CEACAM5: variants seen among roughly 807,000 people sequenced by gnomAD.
The protein encoded by CEACAM5 is cell adhesion molecule CEACAM5.
CEACAM5 carries 52 observed loss-of-function variants against 63.0 expected under a neutral mutation model. The observed-to-expected ratio is 0.83, with a 90% CI of 0.66 to 1.04. The LOEUF (loss-of-function observed/expected upper bound fraction) is 1.04. Ranked by LOEUF, CEACAM5 falls within the 50% of genes least tolerant of loss-of-function variation. CEACAM5 has a pLI of 0.00. For missense variants in CEACAM5, 790 were observed against 864.8 expected (o/e 0.91, Z 1.08); for synonymous variants, 357 against 351.3 (o/e 1.02, Z -0.18).
chr19:41,724,692 A>C (rs1385184521), intron 8 of CEACAM5, among the ~76,000 whole-genome samples: 2 of 152,272 alleles, frequency 1.3e-5, no homozygotes, highest in East Asian at 3.9e-4. Flanking sequence ...CTCCTTGGTT[A>C]AGCTTATTTC....
chr19:41,712,145 G>A (rs1047519611), intron 2 of CEACAM5, among the ~76,000 whole-genome samples: 9 of 152,300 alleles, frequency 5.9e-5, no homozygotes, highest in African/African-American at 7.2e-5. Context: ...CCCAAAGCCC[G>A]CATGCTTATT....
chr19:41,722,150 C>G (rs193071920), intron 8 of CEACAM5, among the ~76,000 whole-genome samples: 2 of 152,096 alleles, frequency 1.3e-5, no homozygotes, highest in East Asian at 3.9e-4. Flanking sequence ...GTAATCCCAG[C>G]ACTTTGGGAG....
At position 41,708,670 on chromosome 19, in the gene CEACAM5, C is replaced by A; in HGVS notation, c.-62C>A. 6.7e-7 allele frequency: 1 copy of A among 1,494,812 alleles called. No individual in the cohort carries two copies. Among genetic ancestry groups the A allele is most frequent in the Non-Finnish European group, 9.2e-7 (1 of 1,084,314 alleles). 92.6% of individuals were successfully genotyped at this position (1,494,812 alleles called of 1,614,324 possible). On this transcript the variant is annotated 5_prime_UTR_variant, in exon 1 of 10. Coordinates refer to ENST00000221992, the MANE Select transcript of CEACAM5 (RefSeq NM_004363.6). ...GACCAGACAGTCACAGCAGCCTTGACAAAACGTTCCTGGAACTCAAGCTCT... is the reference window on the plus strand; with the variant it reads ...GACCAGACAGTCACAGCAGCCTTGAAAAAACGTTCCTGGAACTCAAGCTCT...
rs1484911243 is a variant in CEACAM5 at position 41,722,596 on chromosome 19, TC to T, written c.2026+1422del. ...CAAAAATGGAATTATATAATAGTTG[TC>T]CTTTTGTGTCTGCCCTATTTCACTT... On this transcript the variant is annotated intron_variant, in intron 8 of 9. Coordinates refer to ENST00000221992, the MANE Select transcript of CEACAM5 (RefSeq NM_004363.6). Among the ~76,000 whole-genome samples, 99 of 152,332 alleles carry T rather than the reference TC, an allele frequency of 6.5e-4. 2 individuals are homozygous for T. Among genetic ancestry groups the T allele is most frequent in the Non-Finnish European group, 7.4e-5 (5 of 68,022 alleles).
chr19:41,720,790 G>A (rs538227798), intron 7 of CEACAM5, 132 bp from the exon 8 acceptor site: 115 of 1,207,242 alleles, frequency 9.5e-5, no homozygotes, highest in South Asian at 7.4e-4. Flanking sequence ...GTGAGCCACC[G>A]CACCCGGCCG....
At chr19:41,723,093 T>C (rs910767148) in intron 8 of CEACAM5, among the ~76,000 whole-genome samples, 30 of 152,156 alleles carry the variant, frequency 2.0e-4, no homozygotes, top group African/African-American at 7.2e-4. Context: ...TTTTTATTTT[T>C]AGTAGAGACT....
chr19:41,717,193 C>T (rs1312840189), intron 4 of CEACAM5, among the ~76,000 whole-genome samples: 2 of 152,242 alleles, frequency 1.3e-5, no homozygotes, highest in African/African-American at 4.8e-5. Flanking sequence ...TGACCCCCAG[C>T]CCTGTGTCTG....
At chr19:41,716,663 G>A (rs1198423154) in intron 4 of CEACAM5, among the ~76,000 whole-genome samples, 2 of 152,210 alleles carry the variant, frequency 1.3e-5, no homozygotes, top group African/African-American at 2.4e-5. Flanking sequence ...ACCCACACTT[G>A]GAGAAATCAG....
At position 41,727,248 on chromosome 19, in the gene CEACAM5, CCTGGTCTCTCAG is replaced by C; in HGVS notation, c.2046_2057del (p.Leu683_Gly686del). ...GGACGATTCAGCATCTGGAACTTCT[CCTGGTCTCTCAG>C]CTGGGGCCACTGTCGGCATCATGAT... On this transcript the variant is annotated inframe_deletion, in exon 9 of 10. Transcript: ENST00000221992. The C allele has an allele frequency of 6.2e-7, 1 of 1,613,918 alleles. No homozygotes were observed. The highest frequency in any genetic ancestry group is 1.1e-5 in the South Asian group (1 of 91,080).
At chr19:41,722,611 C>T (rs2072640448) in intron 8 of CEACAM5, among the ~76,000 whole-genome samples, 1 of 152,070 alleles carries the variant, frequency 6.6e-6, no homozygotes, top group Non-Finnish European at 1.5e-5. Context: ...TTGTGTCTGC[C>T]CTATTTCACT....
At chr19:41,727,421 G>A (rs2002926) in intron 9 of CEACAM5, 69 bp downstream of exon 9, 279,772 of 803,158 alleles carry the variant, frequency 0.35, 49,715 homozygotes, top group African/African-American at 0.45. Context: ...GGAGAGGGAA[G>A]GGATTTCTTC....
At chr19:41,714,162 C>A (rs2072481623) in intron 2 of CEACAM5, among the ~76,000 whole-genome samples, 1 of 152,106 alleles carries the variant, frequency 6.6e-6, no homozygotes, top group Non-Finnish European at 1.5e-5. Context: ...TTGCCATGAG[C>A]CGAGATCGTG....
chr19:41,714,971 C>T lies in CEACAM5; in HGVS notation c.425C>T (p.Pro142Leu), dbSNP rs1054821520. 1.7e-5 allele frequency: 27 copies of T among 1,614,092 alleles called. 1 individual carries two copies. In the Admixed American group the frequency reaches 2.2e-4, roughly 13 times the overall value. The change falls in exon 3 of 10, where the codon CCG becomes CTG. Residue 142 changes from proline to leucine, a missense_variant and splice_region_variant. Transcript: ENST00000221992. ...AATCTTCTCTCTGTTATCTGCACAGCGGAGCTGCCCAAGCCCTCCATCTCC... is the reference window on the plus strand; with the variant it reads ...AATCTTCTCTCTGTTATCTGCACAGTGGAGCTGCCCAAGCCCTCCATCTCC... ...EEATGQFRVY[P>L]ELPKPSISSN... is the part of the protein sequence containing the mutation.
chr19:41,718,855 C>T (rs754960390), intron 6 of CEACAM5, among the ~76,000 whole-genome samples: 7 of 152,364 alleles, frequency 4.6e-5, no homozygotes, highest in South Asian at 2.1e-4. Flanking sequence ...ACTCTGCTCC[C>T]GGCTCCGCTC....
intron 9 of CEACAM5, 55 bp downstream of exon 9, chr19:41,727,407 C>A: frequency 1.1e-6 from 1 of 886,378 alleles, no homozygotes; most frequent in Non-Finnish European, 1.8e-6. Context: ...GACTGCCATG[C>A]TTGGGAGAGG....
chr19:41,721,085 C>G lies in CEACAM5; in HGVS notation c.1935C>G (p.Ile645Met). The G allele has an allele frequency of 6.2e-7, 1 of 1,614,208 alleles. No homozygotes were observed. The highest frequency in any genetic ancestry group is 8.5e-7 in the Non-Finnish European group (1 of 1,180,038). ...CACAAGTTCTCTTTATCGCCAAAAT[C>G]ACGCCAAATAATAACGGGACCTATG... ...QHTQVLFIAK[I>M]TPNNNGTYAC... The change falls in exon 8 of 10, where the codon ATC becomes ATG. Residue 645 changes from isoleucine to methionine, a missense_variant. Ile to Met is a conservative substitution (Grantham distance 10). Transcript: ENST00000221992.
At chr19:41,717,884 C>A in intron 5 of CEACAM5, 151 bp downstream of exon 5, 1 of 1,102,332 alleles carries the variant, frequency 9.1e-7, no homozygotes. Context: ...TCCATGCAGG[C>A]CCAGTCCTGA....
At chr19:41,714,822 G>C in intron 2 of CEACAM5, 149 bp from the exon 3 acceptor site, 1 of 1,407,954 alleles carries the variant, frequency 7.1e-7, no homozygotes, top group Non-Finnish European at 9.6e-7. Context: ...TCAGATCATC[G>C]TGCATCTGTC....
chr19:41,712,356 A>G (rs1444453540), intron 2 of CEACAM5, among the ~76,000 whole-genome samples: 1 of 152,234 alleles, frequency 6.6e-6, no homozygotes, highest in Non-Finnish European at 1.5e-5. Context: ...TGAACCAGCC[A>G]CTGGCGTCTC....
Sources: allele counts gnomAD v4.1 joint callset (sites outside exome capture counted in the v4.1 genomes callset), GRCh38; gene constraint gnomAD v4.1.1; transcripts MANE v1.5; gene names NCBI Gene and HGNC (gene_info 2026-07-23, HGNC 2026-07-21).